The following SLC36A4 variants were observed in gnomAD, a reference collection of about 807,000 sequenced individuals.
The protein encoded by SLC36A4 is solute carrier family 36 member 4.
Under a neutral mutation model 50.5 loss-of-function variants are expected in SLC36A4, and 49 were observed. That is an observed-to-expected ratio of 0.97 (90% CI 0.77 to 1.23). The LOEUF (loss-of-function observed/expected upper bound fraction) is 1.23. SLC36A4 is among the 50% of genes most tolerant of loss of function. SLC36A4 has a pLI of 0.00. For synonymous variants in SLC36A4, 207 were observed against 206.5 expected (o/e 1.00, Z -0.02); for missense variants, 611 against 608.4 (o/e 1.00, Z -0.05).
chr11:93,167,658 A>C (rs938999284), intron 7 of SLC36A4: 3 of 307,482 alleles, frequency 9.8e-6, no homozygotes, highest in African/African-American at 2.2e-5. Flanking sequence ...AAGTCTCATA[A>C]CTCTAATAGG....
At position 93,147,341 on chromosome 11, in the gene SLC36A4, G is replaced by T. The variant is rs923218985; in HGVS notation, c.*1196C>A. The T allele has an allele frequency of 6.6e-6, 1 of 151,974 alleles. No homozygotes were observed. The highest frequency in any genetic ancestry group is 6.6e-5 in the Admixed American group (1 of 15,232). 9.4% of individuals were successfully genotyped at this position (151,974 alleles called of 1,614,324 possible). On this transcript the variant is annotated 3_prime_UTR_variant, in exon 11 of 11. Coordinates refer to ENST00000326402, the MANE Select transcript of SLC36A4 (RefSeq NM_152313.4). The stretch of plus-strand genomic sequence containing the variant: ...AAGGCTGTGATAAGAAAAGCCACAG[G>T]GCTGGAAAGAGTCCACAAATCCTCC...
At chr11:93,174,997 G>A (rs377040462) in intron 6 of SLC36A4, among the ~76,000 whole-genome samples, 2 of 151,570 alleles carry the variant, frequency 1.3e-5, no homozygotes, top group African/African-American at 4.9e-5. Flanking sequence ...TTTTTCTATT[G>A]ATTGGAATAC....
chr11:93,158,055 G>A (rs368210063), intron 9 of SLC36A4, among the ~76,000 whole-genome samples: 1 of 152,078 alleles, frequency 6.6e-6, no homozygotes, highest in East Asian at 1.9e-4. Flanking sequence ...CAGATTTGAA[G>A]ATACACATCA....
chr11:93,184,651 A>C, intron 2 of SLC36A4, 131 bp from the exon 3 acceptor site: 1 of 602,278 alleles, frequency 1.7e-6, no homozygotes, highest in South Asian at 2.1e-5. Flanking sequence ...CCATCCCACC[A>C]CTGGGCCAGA....
chr11:93,181,601 A>T, intron 5 of SLC36A4, 90 bp downstream of exon 5: 1 of 970,686 alleles, frequency 1.0e-6, no homozygotes, highest in Non-Finnish European at 1.4e-6. Context: ...CAACTTTATC[A>T]TATTTTTATT....
At position 93,148,715 on chromosome 11, in the gene SLC36A4, T is replaced by G. The variant is rs776040397; in HGVS notation, c.1337A>C (p.Asn446Thr). The G allele has an allele frequency of 6.2e-7, 1 of 1,612,936 alleles. No individual in the cohort carries two copies. Among genetic ancestry groups the G allele is most frequent in the East Asian group, 2.2e-5 (1 of 44,810 alleles). ...EILTFSKEHY[N>T]IWMVLKNISI... ...AATATTTTTCAGGACCATCCATATA[T>G]TATAATGTTCCTTCGAAAATGTAAG... The change falls in exon 11 of 11, where the codon AAT becomes ACT. Residue 446 changes from asparagine (N) to threonine (T), a missense_variant. Physicochemically the swap from Asn to Thr is moderately conservative, Grantham distance 65 (BLOSUM62 0). Coordinates refer to ENST00000326402, the MANE Select transcript of SLC36A4 (RefSeq NM_152313.4).
chr11:93,167,028 C>T (rs1320242201), intron 7 of SLC36A4: 1 of 152,150 alleles, frequency 6.6e-6, no homozygotes, highest in African/African-American at 2.4e-5. Context: ...TCCTTTTCTG[C>T]TTAACTGACT....
chr11:93,151,523 A>G (rs1002359346), intron 10 of SLC36A4, among the ~76,000 whole-genome samples: 3 of 152,082 alleles, frequency 2.0e-5, no homozygotes, highest in African/African-American at 7.2e-5. Flanking sequence ...TTTTAATTAT[A>G]CAAATAGTTA....
At position 93,148,973 on chromosome 11, in the gene SLC36A4, A is replaced by C. The variant is rs1859956487; in HGVS notation, c.1208-129T>G. On this transcript the variant is annotated intron_variant, in intron 10 of 10. Coordinates refer to ENST00000326402, the MANE Select transcript of SLC36A4 (RefSeq NM_152313.4). Reference sequence around the variant, plus strand: ...TTAATGAAAGTTGAACTACTAAACTATTGCTTGTGAAAAAAATCTGCCATA... The same window carrying C: ...TTAATGAAAGTTGAACTACTAAACTCTTGCTTGTGAAAAAAATCTGCCATA... 7 of 1,005,582 alleles carry C rather than the reference A, an allele frequency of 7.0e-6. 1 individual carries two copies. The South Asian group carries it at 1.2e-4, about 17-fold the overall frequency. 62.3% of individuals were successfully genotyped at this position (1,005,582 alleles called of 1,614,324 possible).
chr11:93,175,871 T>C (rs1157499089), intron 6 of SLC36A4, among the ~76,000 whole-genome samples: 8 of 93,776 alleles, frequency 8.5e-5, no homozygotes, highest in African/African-American at 3.3e-4. Flanking sequence ...CTTCCAACTA[T>C]GTGGTCAATT....
intron 10 of SLC36A4, 51 bp downstream of exon 10, chr11:93,154,057 G>A: frequency 1.2e-6 from 1 of 860,590 alleles, no homozygotes; most frequent in Non-Finnish European, 1.6e-6. Context: ...TAGCTTTCAA[G>A]AAATTGAACA....
rs576162290 is a variant in SLC36A4 at position 93,196,364 on chromosome 11, C to T, written c.55+1414G>A. On this transcript the variant is annotated intron_variant, in intron 1 of 10. Coordinates refer to ENST00000326402, the MANE Select transcript of SLC36A4 (RefSeq NM_152313.4). ...TCTGAAGGAGAATTGCTGGGTCAAA[C>T]GATAAGCACTTTTTTTTTTTGAGAC... Among the ~76,000 whole-genome samples the T allele has an allele frequency of 4.6e-5, 7 of 152,108 alleles. No individual in the cohort carries two copies. In the East Asian group the frequency reaches 9.7e-4, roughly 21 times the overall value.
intron 4 of SLC36A4, chr11:93,182,139 C>A (rs1861763991): frequency 5.8e-6 from 1 of 172,882 alleles, no homozygotes; most frequent in African/African-American, 2.4e-5. Flanking sequence ...CTTAGAACAG[C>A]ATTATTTAAT....
At chr11:93,164,705 T>C (rs1351116353) in intron 8 of SLC36A4, among the ~76,000 whole-genome samples, 1 of 152,150 alleles carries the variant, frequency 6.6e-6, no homozygotes, top group Admixed American at 6.6e-5. Flanking sequence ...AAATGAACAT[T>C]TCCTGAGGCC....
intron 8 of SLC36A4, 50 bp from the exon 9 acceptor site, chr11:93,162,925 A>G (rs766758548): frequency 5.2e-6 from 8 of 1,544,620 alleles, no homozygotes. Context: ...AGTATTTAAA[A>G]ATAACAGTGT....
chr11:93,158,117 T>C (rs1860449707), intron 9 of SLC36A4, among the ~76,000 whole-genome samples: 1 of 152,094 alleles, frequency 6.6e-6, no homozygotes, highest in Admixed American at 6.6e-5. Context: ...AAACTTAATT[T>C]TAAAAATTAG....
At chr11:93,159,977 T>C (rs1458330541) in intron 9 of SLC36A4, 4 of 985,310 alleles carry the variant, frequency 4.1e-6, no homozygotes, top group South Asian at 4.7e-5. Flanking sequence ...ACTCTGCCAA[T>C]AGAGTACACT....
chr11:93,196,670 A>C (rs1862444548), intron 1 of SLC36A4, among the ~76,000 whole-genome samples: 2 of 152,192 alleles, frequency 1.3e-5, no homozygotes, highest in Non-Finnish European at 2.9e-5. Flanking sequence ...CGCCAGGCCG[A>C]TATGTACATT....
In SLC36A4 at chr11:93,191,587, G is replaced by A. The variant is rs77972654; in HGVS notation, c.56-5773C>T. ...TGTCAGATGAAAAGCAGTGAGGTAT[G>A]AGGTAAAGAATTAGCATTCATACTC... is the stretch of plus-strand genomic sequence containing the variant. On this transcript the variant is annotated intron_variant, in intron 1 of 10. Transcript: ENST00000326402. 9.9e-5 allele frequency among the ~76,000 whole-genome samples: 15 copies of A among 152,262 alleles called. No homozygotes were observed. The East Asian group carries it at 2.9e-3, about 29-fold the overall frequency.
Sources: allele counts gnomAD v4.1 joint callset (sites outside exome capture counted in the v4.1 genomes callset), GRCh38; gene constraint gnomAD v4.1.1; transcripts MANE v1.5; gene names NCBI Gene and HGNC (gene_info 2026-07-23, HGNC 2026-07-21).